POU2AF2: variants seen among roughly 807,000 people sequenced by gnomAD.
The protein encoded by POU2AF2 is POU domain class 2-associating factor 2.
chr11:111,248,974 C>G, the POU2AF2 span, among the ~76,000 whole-genome samples: 1 of 152,184 alleles, frequency 6.6e-6, no homozygotes. Flanking sequence ...AATTCTTCGT[C>G]ATTAAAGTAA....
the POU2AF2 span, among the ~76,000 whole-genome samples, chr11:111,258,178 G>T: frequency 6.6e-6 from 1 of 152,182 alleles, no homozygotes; most frequent in Non-Finnish European, 1.5e-5. Context: ...TTGAGAGAGA[G>T]AGAGAGAAGG....
At chr11:111,268,402 G>A in the POU2AF2 span, among the ~76,000 whole-genome samples, 14,048 of 151,610 alleles carry the variant, frequency 0.093, 916 homozygotes, top group Middle Eastern at 0.19. Context: ...TAAGATTGTT[G>A]TGTCTCCCTG....
the POU2AF2 span, chr11:111,286,003 A>C: frequency 1.2e-6 from 2 of 1,613,878 alleles, no homozygotes; most frequent in Admixed American, 3.3e-5. Flanking sequence ...CTTGGGTGAA[A>C]GAAGATGGGA....
At chr11:111,254,625 T>A in the POU2AF2 span, among the ~76,000 whole-genome samples, 1 of 152,326 alleles carries the variant, frequency 6.6e-6, no homozygotes, top group African/African-American at 2.4e-5. Context: ...CAACCTCTTT[T>A]CTCCAATGCA....
the POU2AF2 span, among the ~76,000 whole-genome samples, chr11:111,276,153 A>C: frequency 1.3e-5 from 2 of 152,214 alleles, no homozygotes; most frequent in African/African-American, 4.8e-5. Context: ...CCCTAGATTC[A>C]TGAAGCCCAT....
At chr11:111,283,733 G>A in the POU2AF2 span, among the ~76,000 whole-genome samples, 6 of 152,260 alleles carry the variant, frequency 3.9e-5, no homozygotes, top group South Asian at 1.2e-3. Context: ...TGAAAAAGAT[G>A]CTTCCTTGGT....
At chr11:111,257,513 C>T in the POU2AF2 span, among the ~76,000 whole-genome samples, 15 of 152,092 alleles carry the variant, frequency 9.9e-5, no homozygotes, top group East Asian at 2.3e-3. Flanking sequence ...GGATTACAGG[C>T]GCCTGCCACC....
the POU2AF2 span, among the ~76,000 whole-genome samples, chr11:111,253,011 T>A: frequency 6.6e-6 from 1 of 152,226 alleles, no homozygotes; most frequent in Non-Finnish European, 1.5e-5. Context: ...TGTCTTTATC[T>A]TCCTGAACTA....
the POU2AF2 span, among the ~76,000 whole-genome samples, chr11:111,280,315 C>T: frequency 1.3e-5 from 2 of 152,056 alleles, no homozygotes; most frequent in African/African-American, 4.8e-5. Context: ...CCCTTCAGTG[C>T]TGAAGCCAAA....
chr11:111,280,788 A>G, the POU2AF2 span, among the ~76,000 whole-genome samples: 34 of 151,202 alleles, frequency 2.2e-4, no homozygotes, highest in Non-Finnish European at 4.6e-4. Flanking sequence ...ATAAGGAAAG[A>G]AAAAAAATGT....
At chr11:111,255,290 C>G in the POU2AF2 span, among the ~76,000 whole-genome samples, 35,327 of 152,032 alleles carry the variant, frequency 0.23, 4,459 homozygotes, top group East Asian at 0.41. Flanking sequence ...ATCTGTAAAA[C>G]AGATCAAATG....
At chr11:111,260,569 G>A in the POU2AF2 span, among the ~76,000 whole-genome samples, 1 of 152,118 alleles carries the variant, frequency 6.6e-6, no homozygotes, top group Non-Finnish European at 1.5e-5. Flanking sequence ...AAGATGAGGA[G>A]GCAATGTGAC....
chr11:111,271,647 C>G, the POU2AF2 span, among the ~76,000 whole-genome samples: 1 of 152,270 alleles, frequency 6.6e-6, no homozygotes, highest in African/African-American at 2.4e-5. Context: ...TAGTCTCAAA[C>G]TGTTGAGCTC....
chr11:111,254,512 A>G, the POU2AF2 span, among the ~76,000 whole-genome samples: 1 of 152,204 alleles, frequency 6.6e-6, no homozygotes, highest in African/African-American at 2.4e-5. Context: ...CTCTGAAGAC[A>G]GCTAAGAAGA....
the POU2AF2 span, among the ~76,000 whole-genome samples, chr11:111,278,416 A>T: frequency 1.3e-5 from 2 of 152,338 alleles, no homozygotes; most frequent in African/African-American, 4.8e-5. Flanking sequence ...CCTAAAATTC[A>T]AATGTTGAGG....
At chr11:111,267,199 GTTCTATCCCAGAACCTGCT>G in the POU2AF2 span, among the ~76,000 whole-genome samples, 4 of 152,280 alleles carry the variant, frequency 2.6e-5, no homozygotes, top group East Asian at 1.9e-4. Flanking sequence ...TTTATCTCCA[GTTCTATCCCAGAACCTGCT>G]TTCTGTCCCA....
the POU2AF2 span, among the ~76,000 whole-genome samples, chr11:111,247,342 G>C: frequency 6.6e-6 from 1 of 152,144 alleles, no homozygotes; most frequent in Non-Finnish European, 1.5e-5. Flanking sequence ...GTTAATTACA[G>C]CTTCTTTGGG....
At chr11:111,262,750 C>T in the POU2AF2 span, among the ~76,000 whole-genome samples, 1 of 152,314 alleles carries the variant, frequency 6.6e-6, no homozygotes, top group African/African-American at 2.4e-5. Flanking sequence ...AGAGTTGGGC[C>T]ATGCGTCTAA....
At chr11:111,246,621 T>C in the POU2AF2 span, among the ~76,000 whole-genome samples, 7 of 152,202 alleles carry the variant, frequency 4.6e-5, no homozygotes, top group South Asian at 4.1e-4. Context: ...GGTAAGAAGA[T>C]AGAAAGAGCT....
Sources: allele counts gnomAD v4.1 joint callset (sites outside exome capture counted in the v4.1 genomes callset), GRCh38; gene constraint gnomAD v4.1.1; transcripts MANE v1.5; gene names NCBI Gene and HGNC (gene_info 2026-07-23, HGNC 2026-07-21).